CNTNAP2: variants seen among roughly 807,000 people sequenced by gnomAD.
The protein encoded by CNTNAP2 is contactin-associated protein-like 2.
A neutral mutation model predicts 155.2 loss-of-function variants in CNTNAP2; 98 were observed. The ratio of observed to expected loss-of-function variants is 0.63; its 90% CI spans 0.54 to 0.75. The LOEUF (loss-of-function observed/expected upper bound fraction) is 0.75. Ranked by LOEUF, CNTNAP2 falls within the 30% of genes least tolerant of loss-of-function variation. The pLI, the probability that CNTNAP2 is intolerant of heterozygous loss-of-function variation, is 0.00. For missense variants in CNTNAP2, 1,727 were observed against 1,688.1 expected (o/e 1.02, Z -0.40); for synonymous variants, 651 against 631.2 (o/e 1.03, Z -0.47).
intron 3 of CNTNAP2, among the ~76,000 whole-genome samples, chr7:146,933,330 A>C (rs1796825669): frequency 6.6e-6 from 1 of 152,018 alleles, no homozygotes; most frequent in Non-Finnish European, 1.5e-5. Flanking sequence ...AAAAACAGGC[A>C]ATGGGGAAAG....
intron 17 of CNTNAP2, among the ~76,000 whole-genome samples, chr7:148,167,864 C>G (rs1805699893): frequency 6.6e-6 from 1 of 152,086 alleles, no homozygotes; most frequent in Non-Finnish European, 1.5e-5. Context: ...AAGACAGAAG[C>G]AGAGGGAGAA....
intron 4 of CNTNAP2, among the ~76,000 whole-genome samples, chr7:147,104,069 A>G (rs1020868971): frequency 1.3e-5 from 2 of 152,088 alleles, no homozygotes; most frequent in Non-Finnish European, 2.9e-5. Flanking sequence ...TCTGTATTTG[A>G]GTGAATGCCA....
chr7:146,654,390 G>A (rs747236384), intron 1 of CNTNAP2, among the ~76,000 whole-genome samples: 1 of 152,070 alleles, frequency 6.6e-6, no homozygotes, highest in African/African-American at 2.4e-5. Context: ...GTTGTGTGGT[G>A]TTGGTAGCAC....
At position 146,885,359 on chromosome 7, in the gene CNTNAP2, G is replaced by A. The variant is rs181384747; in HGVS notation, c.402+45455G>A. Among the ~76,000 whole-genome samples, 235 of 152,130 alleles carry A rather than the reference G, an allele frequency of 1.5e-3. 2 individuals are homozygous for A. The highest frequency in any genetic ancestry group is 3.4e-3 in the Admixed American group (52 of 15,268). On this transcript the variant is annotated intron_variant, in intron 3 of 23. Coordinates refer to ENST00000361727, the MANE Select transcript of CNTNAP2 (RefSeq NM_014141.6). Reference sequence around the variant, plus strand: ...AGTGGCAAGAAACGAGAATACCAGGGATCCAGTAGTCTAATGTAAATAATA... The same window carrying A: ...AGTGGCAAGAAACGAGAATACCAGGAATCCAGTAGTCTAATGTAAATAATA...
At chr7:148,272,832 G>A (rs1353128715) in intron 21 of CNTNAP2, among the ~76,000 whole-genome samples, 1 of 152,094 alleles carries the variant, frequency 6.6e-6, no homozygotes, top group African/African-American at 2.4e-5. Context: ...AGTCATCTGA[G>A]GAGAAAACCA....
At position 147,443,152 on chromosome 7, in the gene CNTNAP2, A is replaced by T. The variant is rs560980356; in HGVS notation, c.1671-42783A>T. ...ATTATTTAGGGCCGGGCCTCAGGGC[A>T]CTTTAGCCAGCAGTAGTGAGGCTTG... On this transcript the variant is annotated intron_variant, in intron 10 of 23. Coordinates refer to ENST00000361727, the MANE Select transcript of CNTNAP2 (RefSeq NM_014141.6). 2.0e-5 allele frequency among the ~76,000 whole-genome samples: 3 copies of T among 152,260 alleles called. No homozygotes were observed. The South Asian group carries it at 6.2e-4, about 32-fold the overall frequency.
At chr7:147,636,990 C>A (rs373833477) in intron 12 of CNTNAP2, among the ~76,000 whole-genome samples, 1 of 151,994 alleles carries the variant, frequency 6.6e-6, no homozygotes, top group Non-Finnish European at 1.5e-5. Flanking sequence ...TAAGGAGGGA[C>A]CCTGCTGATG....
intron 12 of CNTNAP2, among the ~76,000 whole-genome samples, chr7:147,594,922 GAA>G (rs1800800617): frequency 6.6e-6 from 1 of 151,922 alleles, no homozygotes; most frequent in East Asian, 1.9e-4. Flanking sequence ...AGGAGAGAGA[GAA>G]GAGATGGGAG....
At chr7:147,712,410 G>T (rs1464516660) in intron 13 of CNTNAP2, among the ~76,000 whole-genome samples, 2 of 152,116 alleles carry the variant, frequency 1.3e-5, no homozygotes, top group African/African-American at 4.8e-5. Context: ...ATACCGAAAG[G>T]ATTATAAATC....
intron 14 of CNTNAP2, among the ~76,000 whole-genome samples, chr7:147,936,713 C>A (rs953564696): frequency 5.3e-5 from 8 of 152,132 alleles, no homozygotes; most frequent in African/African-American, 1.9e-4. Context: ...GCTGCACCCC[C>A]ACTCACCTTG....
At chr7:147,216,130 G>GT (rs151102034) in intron 8 of CNTNAP2, among the ~76,000 whole-genome samples, 34,234 of 146,766 alleles carry the variant, frequency 0.23, 4,020 homozygotes, top group African/African-American at 0.27. Context: ...CCCAGTCTGT[G>GT]TTTTTTTTTT....
chr7:146,761,747 T>A (rs1174458661), intron 1 of CNTNAP2, among the ~76,000 whole-genome samples: 1 of 152,100 alleles, frequency 6.6e-6, no homozygotes, highest in Non-Finnish European at 1.5e-5. Context: ...TCCTTTCAAT[T>A]GCGATTATCC....
intron 1 of CNTNAP2, among the ~76,000 whole-genome samples, chr7:146,574,788 C>A: frequency 6.6e-6 from 1 of 152,118 alleles, no homozygotes; most frequent in East Asian, 1.9e-4. Flanking sequence ...TTTTGTCTCT[C>A]TTTTTCTTTC....
chr7:147,061,848 T>A (rs1227541168), intron 4 of CNTNAP2, among the ~76,000 whole-genome samples: 1 of 152,008 alleles, frequency 6.6e-6, no homozygotes, highest in Non-Finnish European at 1.5e-5. Context: ...CAAAAACAGT[T>A]CTTTGGCCGG....
At chr7:147,875,698 C>T (rs1282326461) in intron 13 of CNTNAP2, among the ~76,000 whole-genome samples, 1 of 151,900 alleles carries the variant, frequency 6.6e-6, no homozygotes, top group Non-Finnish European at 1.5e-5. Flanking sequence ...TCAAGGCCAG[C>T]CTGGGCAACA....
At chr7:148,034,103 A>G (rs1221516815) in intron 15 of CNTNAP2, among the ~76,000 whole-genome samples, 3 of 152,244 alleles carry the variant, frequency 2.0e-5, no homozygotes, top group Non-Finnish European at 4.4e-5. Flanking sequence ...CATTATTAGC[A>G]GAAAAGTAGA....
intron 3 of CNTNAP2, among the ~76,000 whole-genome samples, chr7:147,021,302 T>C (rs35128785): frequency 0.11 from 16,335 of 152,210 alleles, 969 homozygotes; most frequent in Middle Eastern, 0.16. Flanking sequence ...AAAGATTGGA[T>C]GCCTCTATTC....
intron 8 of CNTNAP2, among the ~76,000 whole-genome samples, chr7:147,202,043 T>A (rs541623744): frequency 6.6e-6 from 1 of 152,132 alleles, no homozygotes; most frequent in South Asian, 2.1e-4. Context: ...ACCATAAATA[T>A]TTGCATTACG....
intron 1 of CNTNAP2, among the ~76,000 whole-genome samples, chr7:146,583,026 G>C (rs147053081): frequency 4.3e-4 from 66 of 151,930 alleles, no homozygotes; most frequent in Admixed American, 3.9e-3. Context: ...TAATATCTTG[G>C]AGATGGTTAT....
Sources: allele counts gnomAD v4.1 joint callset (sites outside exome capture counted in the v4.1 genomes callset), GRCh38; gene constraint gnomAD v4.1.1; transcripts MANE v1.5; gene names NCBI Gene and HGNC (gene_info 2026-07-23, HGNC 2026-07-21).